The following MECR variants were observed in gnomAD, a reference collection of about 807,000 sequenced individuals.
The protein encoded by MECR is enoyl-[acyl-carrier-protein] reductase, mitochondrial.
Under a neutral mutation model 49.1 loss-of-function variants are expected in MECR, and 37 were observed. That is an observed-to-expected ratio of 0.75 (90% CI 0.58 to 0.99). MECR has a LOEUF of 0.99. Among genes scored for constraint, MECR ranks in the 50% least tolerant of loss-of-function variants. The pLI, the probability that MECR is intolerant of heterozygous loss-of-function variation, is 0.00. For synonymous variants in MECR, 198 were observed against 191.1 expected (o/e 1.04, Z -0.30); for missense variants, 470 against 479.6 (o/e 0.98, Z 0.19).
chr1:29,221,633 G>A (rs185924016), intron 1 of MECR, among the ~76,000 whole-genome samples: 2 of 152,306 alleles, frequency 1.3e-5, no homozygotes, highest in Admixed American at 6.5e-5. Flanking sequence ...TGGCTCCCAG[G>A]CCTTTGGCTT....
intron 3 of MECR, among the ~76,000 whole-genome samples, chr1:29,213,402 T>A (rs74561488): frequency 1.5e-4 from 17 of 112,962 alleles, no homozygotes; most frequent in African/African-American, 5.3e-4. Flanking sequence ...CCTATTACTG[T>A]TTTTTTTTTT....
At chr1:29,197,011 A>G (rs1355899646) in intron 7 of MECR, among the ~76,000 whole-genome samples, 1 of 152,086 alleles carries the variant, frequency 6.6e-6, no homozygotes, top group Non-Finnish European at 1.5e-5. Flanking sequence ...TCAACACAAA[A>G]CAAAACAACC....
chr1:29,170,097 G>A, the MECR span: 1 of 152,108 alleles, frequency 6.6e-6, no homozygotes, highest in East Asian at 1.9e-4. Flanking sequence ...TTCCTGAAAG[G>A]GAGGGCAGAT....
At chr1:29,169,783 A>G in the MECR span, 1 of 152,222 alleles carries the variant, frequency 6.6e-6, no homozygotes, top group African/African-American at 2.4e-5. Flanking sequence ...CAGAATATAT[A>G]TTCACATAGT....
chr1:29,177,752 A>G, the MECR span, among the ~76,000 whole-genome samples: 10 of 152,286 alleles, frequency 6.6e-5, no homozygotes, highest in Admixed American at 1.3e-4. Flanking sequence ...GCCTGGTGTA[A>G]TAAAACGGTA....
chr1:29,183,179 C>A, the MECR span, among the ~76,000 whole-genome samples: 4 of 152,044 alleles, frequency 2.6e-5, no homozygotes, highest in Admixed American at 2.6e-4. Context: ...GTTAATTTAC[C>A]CTTATAAAAC....
At chr1:29,216,313 T>C (rs537481644) in intron 2 of MECR, among the ~76,000 whole-genome samples, 177 bp from the exon 3 acceptor site, 7 of 152,354 alleles carry the variant, frequency 4.6e-5, no homozygotes, top group African/African-American at 1.4e-4. Context: ...TTAGTGTTCA[T>C]GGTTATCATG....
chr1:29,202,991 A>AAG, intron 5 of MECR, 140 bp downstream of exon 5: 2 of 622,078 alleles, frequency 3.2e-6, no homozygotes, highest in Non-Finnish European at 5.5e-6. Flanking sequence ...CATCTGTTTC[A>AAG]GCCGCCAACT....
intron 3 of MECR, among the ~76,000 whole-genome samples, chr1:29,209,977 T>C (rs1212214325): frequency 6.6e-6 from 1 of 151,744 alleles, no homozygotes; most frequent in Non-Finnish European, 1.5e-5. Flanking sequence ...ATGTGGGCTT[T>C]AGGGACCAAG....
intron 1 of MECR, chr1:29,228,859 T>C (rs1682770331): frequency 6.6e-6 from 1 of 152,154 alleles, no homozygotes; most frequent in African/African-American, 2.4e-5. Context: ...AGATTTAGAT[T>C]GAACTAACAT....
At chr1:29,213,607 T>C (rs957967633) in intron 3 of MECR, among the ~76,000 whole-genome samples, 16 of 152,200 alleles carry the variant, frequency 1.1e-4, no homozygotes, top group Non-Finnish European at 2.4e-4. Flanking sequence ...ATGGATATGG[T>C]TGTGCTGGAC....
chr1:29,203,792 G>A (rs1348246672), intron 4 of MECR, among the ~76,000 whole-genome samples: 1 of 152,212 alleles, frequency 6.6e-6, no homozygotes, highest in East Asian at 1.9e-4. Context: ...GCAGCTTCTT[G>A]AGAGGGAAGG....
intron 1 of MECR, 190 bp from the exon 2 acceptor site, chr1:29,216,875 C>T (rs891844093): frequency 7.6e-7 from 1 of 1,324,424 alleles, no homozygotes. Flanking sequence ...TGGCTCACGC[C>T]TGTAATCCCA....
At position 29,219,784 on chromosome 1, in the gene MECR, AT is replaced by A. The variant is rs1261135643; in HGVS notation, c.177-3100del. On this transcript the variant is annotated intron_variant, in intron 1 of 9. Coordinates refer to ENST00000263702, the MANE Select transcript of MECR (RefSeq NM_016011.5). ...TGTAGGAATACTCAGGCTAAGTGGG[AT>A]GAATAAAGACCACATAAAAACCTCG... Among the ~76,000 whole-genome samples the A allele has an allele frequency of 5.9e-5, 9 of 152,314 alleles. No homozygotes were observed. In the South Asian group the frequency reaches 1.2e-3, roughly 21 times the overall value.
the MECR span, among the ~76,000 whole-genome samples, chr1:29,186,950 T>C: frequency 6.6e-6 from 1 of 152,230 alleles, no homozygotes; most frequent in South Asian, 2.1e-4. Context: ...GAATCTCTTT[T>C]TTCTCTTTCA....
downstream of MECR, among the ~76,000 whole-genome samples, chr1:29,188,156 C>A (rs1386896090): frequency 1.3e-5 from 2 of 150,098 alleles, no homozygotes; most frequent in African/African-American, 4.9e-5. Context: ...GAGACCAGAT[C>A]TTGAGGGGCC....
At chr1:29,203,625 T>C (rs1177430964) in intron 4 of MECR, among the ~76,000 whole-genome samples, 2 of 152,238 alleles carry the variant, frequency 1.3e-5, no homozygotes, top group Non-Finnish European at 2.9e-5. Context: ...TGTAGATCCT[T>C]TGAAGCGCAG....
At chr1:29,175,694 CAAAAAAAAAAA>C in the MECR span, among the ~76,000 whole-genome samples, 8 of 38,604 alleles carry the variant, frequency 2.1e-4, no homozygotes, top group East Asian at 6.6e-4. Flanking sequence ...GACGCTGTCT[CAAAAAAAAAAA>C]AAAAAAAAAA....
chr1:29,203,007 C>G (rs1675690943), intron 5 of MECR, 124 bp downstream of exon 5: 1 of 683,984 alleles, frequency 1.5e-6, no homozygotes, highest in Non-Finnish European at 2.4e-6. Flanking sequence ...CAACTGTTAG[C>G]GATGCCTAAA....
Sources: gnomAD v4.1 joint callset for allele counts (sites outside exome capture counted in the v4.1 genomes callset) on GRCh38, gnomAD v4.1.1 for gene constraint, MANE v1.5 for transcripts, NCBI Gene and HGNC (gene_info 2026-07-23, HGNC 2026-07-21) for gene names.